Variants in ARHGAP15 observed in about 807,000 individuals in gnomAD.
ARHGAP15 encodes rho GTPase-activating protein 15.
In ARHGAP15, 51 loss-of-function variants were observed where a neutral mutation model predicts 63.7. The ratio of observed to expected loss-of-function variants is 0.80; its 90% confidence interval spans 0.64 to 1.01. The LOEUF is 1.01. Among genes scored for constraint, ARHGAP15 ranks in the 50% least tolerant of loss-of-function variants. ARHGAP15 has a pLI of 0.00. For missense variants in ARHGAP15, 560 were observed against 564.6 expected (o/e 0.99, Z 0.08); for synonymous variants, 191 against 193.8 (o/e 0.99, Z 0.12).
chr2:143,457,254 G>A (rs1249806339), intron 8 of ARHGAP15, among the ~76,000 whole-genome samples: 3 of 152,024 alleles, frequency 2.0e-5, no homozygotes, highest in South Asian at 2.1e-4. Flanking sequence ...TATAGTGGAT[G>A]TAGGTGAGGC....
intron 9 of ARHGAP15, among the ~76,000 whole-genome samples, chr2:143,508,198 A>G (rs959937537): frequency 3.9e-5 from 6 of 152,084 alleles, no homozygotes; most frequent in African/African-American, 1.4e-4. Flanking sequence ...CCAGCCACTC[A>G]GGCCTTCCTG....
At position 143,181,468 on chromosome 2, in the gene ARHGAP15, T is replaced by G. The variant is rs1691232538; in HGVS notation, c.166-20666T>G. Among the ~76,000 whole-genome samples, 6 of 152,366 alleles carry G rather than the reference T, an allele frequency of 3.9e-5. No individual in the cohort carries two copies. In the South Asian group the frequency reaches 1.2e-3, roughly 32 times the overall value. On this transcript the variant is annotated intron_variant, in intron 2 of 13. Transcript: ENST00000295095. ...TCATCTACATTGAAAATGTGTTGTT[T>G]AGTGTAGCTAGCTTCATCAATAATT...
At chr2:143,389,037 T>C (rs1687424257) in intron 6 of ARHGAP15, among the ~76,000 whole-genome samples, 1 of 151,578 alleles carries the variant, frequency 6.6e-6, no homozygotes, top group Non-Finnish European at 1.5e-5. Flanking sequence ...AATTGTCTCA[T>C]ATGCCTTGAT....
At chr2:143,605,559 T>C (rs1697956415) in intron 11 of ARHGAP15, among the ~76,000 whole-genome samples, 3 of 152,106 alleles carry the variant, frequency 2.0e-5, no homozygotes, top group African/African-American at 2.4e-5. Flanking sequence ...AAAAACCATG[T>C]CCCTAGCTAA....
intron 10 of ARHGAP15, among the ~76,000 whole-genome samples, chr2:143,542,603 G>C (rs1184389316): frequency 6.9e-6 from 1 of 145,878 alleles, no homozygotes; most frequent in South Asian, 2.1e-4. Context: ...ATGTGTATAT[G>C]TGTGTGTGCA....
intron 8 of ARHGAP15, among the ~76,000 whole-genome samples, chr2:143,462,374 A>G (rs1363790419): frequency 6.6e-6 from 1 of 152,210 alleles, no homozygotes; most frequent in Non-Finnish European, 1.5e-5. Context: ...AATAAAACTA[A>G]AAGACTACAA....
intron 6 of ARHGAP15, among the ~76,000 whole-genome samples, chr2:143,356,658 T>G (rs577750660): frequency 6.6e-6 from 1 of 152,276 alleles, no homozygotes; most frequent in South Asian, 2.1e-4. Context: ...ACGCTTACCT[T>G]TAATATACCC....
chr2:143,419,644 A>T (rs763241996), intron 6 of ARHGAP15, among the ~76,000 whole-genome samples: 2 of 142,392 alleles, frequency 1.4e-5, no homozygotes, highest in Non-Finnish European at 3.0e-5. Context: ...TGTATGACCT[A>T]TATATATATA....
At chr2:143,601,596 C>T (rs1697772568) in intron 11 of ARHGAP15, 1 of 152,108 alleles carries the variant, frequency 6.6e-6, no homozygotes, top group Non-Finnish European at 1.5e-5. Context: ...CCTTCACATA[C>T]CAATCGTAAG....
intron 6 of ARHGAP15, among the ~76,000 whole-genome samples, chr2:143,394,459 C>G (rs192166700): frequency 1.3e-5 from 2 of 152,126 alleles, no homozygotes; most frequent in African/African-American, 4.8e-5. Context: ...TCCAAGAGAC[C>G]TTGACTCTAC....
intron 8 of ARHGAP15, among the ~76,000 whole-genome samples, chr2:143,468,061 A>G (rs924058260): frequency 6.6e-6 from 1 of 152,144 alleles, no homozygotes; most frequent in Non-Finnish European, 1.5e-5. Context: ...GAAGTTTACA[A>G]TCTGCCATAG....
intron 8 of ARHGAP15, among the ~76,000 whole-genome samples, chr2:143,439,264 A>T (rs1253804142): frequency 1.3e-5 from 2 of 151,620 alleles, no homozygotes; most frequent in African/African-American, 2.4e-5. Context: ...CTCTACTAAA[A>T]ATACAAAAAT....
At chr2:143,660,922 G>A (rs35722921) in intron 12 of ARHGAP15, among the ~76,000 whole-genome samples, 1 of 152,150 alleles carries the variant, frequency 6.6e-6, no homozygotes, top group Non-Finnish European at 1.5e-5. Context: ...CTGTAGTTTA[G>A]AAGTCTGGCA....
intron 13 of ARHGAP15, among the ~76,000 whole-genome samples, chr2:143,721,640 A>C (rs2105464469): frequency 6.6e-6 from 1 of 152,308 alleles, no homozygotes; most frequent in Non-Finnish European, 1.5e-5. Context: ...TTTCCTTCAA[A>C]TGTTTGCAAA....
chr2:143,709,594 G>T (rs1684485744), intron 13 of ARHGAP15, among the ~76,000 whole-genome samples: 1 of 151,708 alleles, frequency 6.6e-6, no homozygotes, highest in African/African-American at 2.4e-5. Context: ...AATGCCAATT[G>T]AATGCCTCAT....
At chr2:143,231,772 C>G (rs1693452410) in intron 5 of ARHGAP15, among the ~76,000 whole-genome samples, 1 of 152,182 alleles carries the variant, frequency 6.6e-6, no homozygotes, top group Admixed American at 6.5e-5. Context: ...AGTCCACGAT[C>G]GAGGCACAGG....
At chr2:143,384,552 T>A (rs144297049) in intron 6 of ARHGAP15, among the ~76,000 whole-genome samples, 1 of 121,852 alleles carries the variant, frequency 8.2e-6, no homozygotes, top group East Asian at 2.3e-4. Flanking sequence ...AAAAGGCCTA[T>A]GTGTTTTAGA....
intron 12 of ARHGAP15, among the ~76,000 whole-genome samples, chr2:143,663,616 C>G (rs2105329805): frequency 6.6e-6 from 1 of 152,114 alleles, no homozygotes; most frequent in East Asian, 1.9e-4. Context: ...AAGACACAGA[C>G]TGGCAAATTG....
At chr2:143,406,477 T>C (rs1437439434) in intron 6 of ARHGAP15, among the ~76,000 whole-genome samples, 4 of 151,962 alleles carry the variant, frequency 2.6e-5, no homozygotes, top group Non-Finnish European at 5.9e-5. Flanking sequence ...TTCTTCTTTA[T>C]GATATGTGTA....
Sources: gnomAD v4.1 joint callset for allele counts (sites outside exome capture counted in the v4.1 genomes callset) on GRCh38, gnomAD v4.1.1 for gene constraint, MANE v1.5 for transcripts, NCBI Gene and HGNC (gene_info 2026-07-23, HGNC 2026-07-21) for gene names.